NRXN3: variants seen among roughly 807,000 people sequenced by gnomAD.
The protein encoded by NRXN3 is neurexin 3.
Under a neutral mutation model 137.6 loss-of-function variants are expected in NRXN3, and 32 were observed. That is an observed-to-expected ratio of 0.23 (90% CI 0.18 to 0.31). The LOEUF (loss-of-function observed/expected upper bound fraction) is 0.31, where lower values mean the gene tolerates loss of function less well. Among genes scored for constraint, NRXN3 ranks in the 10% least tolerant of loss-of-function variants. The pLI, the probability that NRXN3 is intolerant of heterozygous loss-of-function variation, is 1.00. For synonymous variants in NRXN3, 798 were observed against 784.5 expected (o/e 1.02, Z -0.29); for missense variants, 1,574 against 2,062.5 (o/e 0.76, Z 4.59).
chr14:78,607,293 T>C (rs1242776991), intron 4 of NRXN3, among the ~76,000 whole-genome samples: 3 of 152,210 alleles, frequency 2.0e-5, no homozygotes, highest in African/African-American at 7.2e-5. Context: ...TGGAATCCTT[T>C]CCCGCTGAGC....
At chr14:79,563,675 A>G (rs1220810224) in intron 16 of NRXN3, among the ~76,000 whole-genome samples, 3 of 151,964 alleles carry the variant, frequency 2.0e-5, no homozygotes, top group Admixed American at 2.0e-4. Context: ...AAAAAAAAAA[A>G]AAAAGGAGAA....
chr14:79,217,114 G>A (rs947504062), intron 15 of NRXN3, among the ~76,000 whole-genome samples: 19 of 150,328 alleles, frequency 1.3e-4, no homozygotes, highest in Non-Finnish European at 2.4e-4. Flanking sequence ...TCCAGTCTGG[G>A]TGACAGAGCA....
chr14:79,246,269 C>T (rs1356041362), intron 15 of NRXN3, among the ~76,000 whole-genome samples: 1 of 152,204 alleles, frequency 6.6e-6, no homozygotes, highest in South Asian at 2.1e-4. Context: ...TAATTTTGGC[C>T]TGGAAAGCTC....
At chr14:79,707,988 T>C (rs2098787916) in intron 19 of NRXN3, among the ~76,000 whole-genome samples, 1 of 152,160 alleles carries the variant, frequency 6.6e-6, no homozygotes, top group South Asian at 2.1e-4. Context: ...TTTGATATAA[T>C]TAAAATCATA....
At chr14:79,248,304 A>G (rs1008873429) in intron 15 of NRXN3, among the ~76,000 whole-genome samples, 2 of 151,952 alleles carry the variant, frequency 1.3e-5, no homozygotes, top group Admixed American at 6.6e-5. Context: ...TTCTAGCCAT[A>G]CCCCATGACT....
chr14:79,323,661 C>G (rs1308369865), intron 15 of NRXN3, among the ~76,000 whole-genome samples: 1 of 151,878 alleles, frequency 6.6e-6, no homozygotes, highest in Non-Finnish European at 1.5e-5. Flanking sequence ...AGATCGAGAC[C>G]ATCCTGGCCA....
chr14:78,634,222 G>T (rs983318083), intron 4 of NRXN3, among the ~76,000 whole-genome samples: 1 of 152,132 alleles, frequency 6.6e-6, no homozygotes, highest in Non-Finnish European at 1.5e-5. Context: ...CCTTAGGAAG[G>T]TAGGCTGAAC....
At chr14:79,601,069 G>C (rs1220952152) in intron 16 of NRXN3, among the ~76,000 whole-genome samples, 7 of 117,028 alleles carry the variant, frequency 6.0e-5, no homozygotes, top group Non-Finnish European at 1.0e-4. Context: ...TTTTGAGATG[G>C]AGTCTCACTC....
At position 79,038,721 on chromosome 14, in the gene NRXN3, C is replaced by T. The variant is rs999310076; in HGVS notation, c.3262+50580C>T. Among the ~76,000 whole-genome samples, 10 of 152,174 alleles carry T rather than the reference C, an allele frequency of 6.6e-5. No individual in the cohort carries two copies. The South Asian group carries it at 1.5e-3, about 22-fold the overall frequency. Reference sequence around the variant, plus strand: ...TTATTTCTTTGAGCTTTAGACTTTTCCTTTGCAGAAAGGAGCCTTATTTAC... The same window carrying T: ...TTATTTCTTTGAGCTTTAGACTTTTTCTTTGCAGAAAGGAGCCTTATTTAC... On this transcript the variant is annotated intron_variant, in intron 15 of 20. Transcript: ENST00000335750.
intron 4 of NRXN3, among the ~76,000 whole-genome samples, chr14:78,373,460 A>G (rs2087233926): frequency 6.6e-6 from 1 of 152,202 alleles, no homozygotes. Context: ...GGTTTTGAAT[A>G]TGTAAACACT....
intron 8 of NRXN3, among the ~76,000 whole-genome samples, chr14:78,737,050 T>C (rs1284296317): frequency 6.6e-6 from 1 of 152,216 alleles, no homozygotes; most frequent in African/African-American, 2.4e-5. Flanking sequence ...TTCCCCTTCC[T>C]CCTTCCCTTC....
At chr14:78,644,002 G>A (rs746832416) in intron 4 of NRXN3, among the ~76,000 whole-genome samples, 7 of 151,900 alleles carry the variant, frequency 4.6e-5, no homozygotes, top group Non-Finnish European at 7.4e-5. Context: ...TTAGTCGGGC[G>A]TGTTGTCACA....
At chr14:79,859,588 G>T (rs1238063122) in intron 20 of NRXN3, among the ~76,000 whole-genome samples, 3 of 152,290 alleles carry the variant, frequency 2.0e-5, no homozygotes, top group African/African-American at 7.2e-5. Flanking sequence ...GAGTCCCCTA[G>T]AACTCTGGTA....
chr14:79,781,268 C>T (rs1417162346), intron 19 of NRXN3, among the ~76,000 whole-genome samples: 8 of 151,908 alleles, frequency 5.3e-5, no homozygotes, highest in African/African-American at 1.5e-4. Context: ...AATAGCTGGC[C>T]TGTAACTAAG....
chr14:79,767,579 T>G (rs2099060324), intron 19 of NRXN3, among the ~76,000 whole-genome samples: 1 of 152,222 alleles, frequency 6.6e-6, no homozygotes, highest in Non-Finnish European at 1.5e-5. Context: ...CATTATTAAA[T>G]CAGCCAGCAT....
chr14:79,607,674 T>G (rs1422572126), intron 16 of NRXN3, among the ~76,000 whole-genome samples: 987 of 37,874 alleles, frequency 0.026, 13 homozygotes, highest in Middle Eastern at 0.15. Flanking sequence ...TAATCTACAA[T>G]TTTTTTTTTT....
chr14:78,714,696 G>GT, intron 7 of NRXN3, 60 bp from the exon 8 acceptor site: 1 of 1,577,880 alleles, frequency 6.3e-7, no homozygotes. Context: ...CACCTGTTAG[G>GT]TTTCTTACAT....
chr14:79,352,449 A>G (rs952884249), intron 15 of NRXN3, among the ~76,000 whole-genome samples: 4 of 152,126 alleles, frequency 2.6e-5, no homozygotes, highest in Non-Finnish European at 5.9e-5. Context: ...ACTGGTTCTC[A>G]TAGTTGCACA....
intron 4 of NRXN3, among the ~76,000 whole-genome samples, chr14:78,462,531 G>A (rs561141166): frequency 2.0e-5 from 3 of 152,198 alleles, no homozygotes; most frequent in South Asian, 4.1e-4. Context: ...TAGATTGCAC[G>A]CCAGGATGTG....
Sources: gnomAD v4.1 joint callset for allele counts (sites outside exome capture counted in the v4.1 genomes callset) on GRCh38, gnomAD v4.1.1 for gene constraint, MANE v1.5 for transcripts, NCBI Gene and HGNC (gene_info 2026-07-23, HGNC 2026-07-21) for gene names.